Variants in SCD observed in about 807,000 individuals in gnomAD.
SCD encodes acyl-CoA desaturase.
Under a neutral mutation model 35.7 loss-of-function variants are expected in SCD, and 4 were observed. The ratio of observed to expected loss-of-function variants is 0.11; its 90% CI spans 0.06 to 0.26. SCD has a LOEUF of 0.26. Among genes scored for constraint, SCD ranks in the 10% least tolerant of loss-of-function variants. The probability of loss-of-function intolerance (pLI) is 1.00; values close to 1 mark genes in which losing one functional copy is unlikely to be tolerated. For missense variants in SCD, 282 were observed against 460.7 expected (o/e 0.61, Z 3.55); for synonymous variants, 150 against 170.2 (o/e 0.88, Z 0.92).
chr10:100,357,157 G>T (rs3793770), intron 5 of SCD, among the ~76,000 whole-genome samples: 49,090 of 151,950 alleles, frequency 0.32, 8,405 homozygotes, highest in South Asian at 0.39. Flanking sequence ...CTATTAAAAA[G>T]CAAAACAAAC....
In SCD at chr10:100,348,240, G is replaced by T. The variant is rs61733935; in HGVS notation, c.204G>T (p.Lys68Asn). ...AGGATAAGGAAGGCCCAAGCCCCAA[G>T]GTTGAATATGTCTGGAGAAACATCA... Reference protein sequence around the residue: ...TYKDKEGPSPKVEYVWRNIIL... With the variant: ...TYKDKEGPSPNVEYVWRNIIL... Residue 68 changes from lysine (K) to asparagine (N), a missense_variant, in exon 2 of 6, where the codon AAG becomes AAT. Around this residue, in one of 2 missense-constraint regions of SCD, gnomAD observed 77 missense variants for 88.4 expected, o/e 0.87. Transcript: ENST00000370355. 2.5e-6 allele frequency: 4 copies of T among 1,614,144 alleles called. No homozygotes were observed. In the Admixed American group the frequency reaches 6.7e-5, roughly 27 times the overall value.
intron 5 of SCD, among the ~76,000 whole-genome samples, chr10:100,359,475 A>C (rs1466191832): frequency 2.6e-5 from 4 of 151,792 alleles, no homozygotes; most frequent in African/African-American, 9.7e-5. Context: ...ATTCCATTTT[A>C]AATCTGGTAA....
intron 4 of SCD, among the ~76,000 whole-genome samples, chr10:100,355,613 AC>A (rs1849920013): frequency 6.6e-6 from 1 of 152,214 alleles, no homozygotes; most frequent in African/African-American, 2.4e-5. Flanking sequence ...AGTGTAAGAA[AC>A]CACTGAGCCA....
chr10:100,359,409 T>C (rs1849966227), intron 5 of SCD, among the ~76,000 whole-genome samples: 1 of 152,226 alleles, frequency 6.6e-6, no homozygotes. Flanking sequence ...TCCTGTCTTC[T>C]TTCTACCCGT....
chr10:100,358,939 A>G (rs1396133820), intron 5 of SCD, among the ~76,000 whole-genome samples: 1 of 152,062 alleles, frequency 6.6e-6, no homozygotes. Flanking sequence ...TATATAATAA[A>G]AATAAAAGCA....
In SCD at chr10:100,361,015, T is replaced by C; in HGVS notation, c.*82T>C. ...CTGTTTATTAACTACTGAATAATGC[T>C]ACCAGGATGCTAAAGATGATGATGT... On this transcript the variant is annotated 3_prime_UTR_variant, in exon 6 of 6. Transcript: ENST00000370355. 6 of 1,153,232 alleles carry C rather than the reference T, an allele frequency of 5.2e-6. No homozygotes were observed. Among genetic ancestry groups the C allele is most frequent in the Non-Finnish European group, 1.3e-6 (1 of 798,784 alleles). 71.4% of individuals were successfully genotyped at this position (1,153,232 alleles called of 1,614,324 possible).
Position 100,356,385 on chromosome 10 carries a change from A to G in SCD, c.648-147A>G. Reference sequence around the variant, plus strand: ...AGTGAGACCCTGTCAAAAAAAACAAACAAAAATAAATAAAACAATGAACTT... The same window carrying G: ...AGTGAGACCCTGTCAAAAAAAACAAGCAAAAATAAATAAAACAATGAACTT... On this transcript the variant is annotated intron_variant, in intron 4 of 5. Coordinates refer to ENST00000370355, the MANE Select transcript of SCD (RefSeq NM_005063.5). The surrounding 1 kb of genome is among the most constrained non-coding windows in gnomAD (Gnocchi z 4.1). The G allele has an allele frequency of 5.8e-6, 4 of 690,678 alleles. No homozygotes were observed. In the Admixed American group the frequency reaches 1.0e-4, roughly 17 times the overall value. The allele number at this position is 690,678 out of a possible 1,614,324, so 42.8% of individuals were successfully genotyped here.
rs1429534970 is a variant in SCD, at chr10:100,347,406, C to T, written c.-99C>T. On this transcript the variant is annotated 5_prime_UTR_variant, in exon 1 of 6. Transcript: ENST00000370355. Reference sequence around the variant, plus strand: ...GCGTGCAAGGCGCCGCGGCTCAGCGCGTACCGGCGGGCTTCGAAACCGCAG... The same window carrying T: ...GCGTGCAAGGCGCCGCGGCTCAGCGTGTACCGGCGGGCTTCGAAACCGCAG... 1 of 1,334,668 alleles carries T rather than the reference C, an allele frequency of 7.5e-7. No homozygotes were observed. The highest frequency in any genetic ancestry group is 1.1e-6 in the Non-Finnish European group (1 of 941,650). 82.7% of individuals were successfully genotyped at this position (1,334,668 alleles called of 1,614,324 possible). A position where few individuals can be genotyped will look rare whatever the true frequency, so the allele number is the denominator to read the frequency against.
chr10:100,354,036 G>A (rs1387933294), intron 3 of SCD, among the ~76,000 whole-genome samples: 2 of 152,224 alleles, frequency 1.3e-5, no homozygotes, highest in Non-Finnish European at 2.9e-5. Context: ...AGGACACAAG[G>A]CTGCCTGCCT....
intron 2 of SCD, among the ~76,000 whole-genome samples, chr10:100,349,678 T>G (rs933180115): frequency 5.3e-5 from 8 of 152,292 alleles, no homozygotes; most frequent in African/African-American, 1.7e-4. Flanking sequence ...GAAGGTAGCA[T>G]TCCTTGGGTT....
rs200843204 is a variant in SCD at position 100,352,454 on chromosome 10, C to T, written c.399C>T (p.Pro133=). 9.3e-6 allele frequency: 15 copies of T among 1,614,078 alleles called. No individual in the cohort carries two copies. Among genetic ancestry groups the T allele is most frequent in the Non-Finnish European group, 1.3e-5 (15 of 1,180,036 alleles). The part of the protein sequence containing the change: ...WSHRSYKARL[P]LRLFLIIANT... The stretch of plus-strand genomic sequence containing the variant: ...ACCGCTCTTACAAAGCTCGGCTGCC[C>T]CTACGGCTCTTTCTGATCATTGCCA... The change falls in exon 3 of 6, where the codon CCC becomes CCT. Residue 133 remains proline (P), a synonymous_variant. Coordinates refer to ENST00000370355, the MANE Select transcript of SCD (RefSeq NM_005063.5). The surrounding 1 kb of genome is among the most constrained non-coding windows in gnomAD (Gnocchi z 4.2).
intron 5 of SCD, among the ~76,000 whole-genome samples, chr10:100,358,090 C>T (rs186542213): frequency 4.9e-4 from 74 of 152,142 alleles, no homozygotes; most frequent in Non-Finnish European, 9.3e-4. Context: ...GCTATGACCT[C>T]CTGGGCTCAA....
Position 100,364,403 on chromosome 10 carries a change from A to C in SCD, c.*3470A>C, listed in dbSNP as rs1850020308. 1 of 152,630 alleles carries C rather than the reference A, an allele frequency of 6.6e-6. No individual in the cohort carries two copies. The highest frequency in any genetic ancestry group is 1.9e-4 in the East Asian group (1 of 5,196). 9.5% of individuals were successfully genotyped at this position (152,630 alleles called of 1,614,324 possible). ...GGGATAATAATACTGACCTACCTCA[A>C]AGGGCAGTTTTGAGGCATGACTAAT... On this transcript the variant is annotated 3_prime_UTR_variant, in exon 6 of 6. Coordinates refer to ENST00000370355, the MANE Select transcript of SCD (RefSeq NM_005063.5).
intron 5 of SCD, among the ~76,000 whole-genome samples, chr10:100,358,600 A>AG (rs1455581205): frequency 2.8e-5 from 4 of 144,384 alleles, no homozygotes; most frequent in Non-Finnish European, 6.2e-5. Flanking sequence ...CTCCGTCTCA[A>AG]AAAAAAAAAA....
At chr10:100,353,924 C>T (rs1476475340) in intron 3 of SCD, among the ~76,000 whole-genome samples, 1 of 152,216 alleles carries the variant, frequency 6.6e-6, no homozygotes, top group Non-Finnish European at 1.5e-5. Context: ...GTCATGATCA[C>T]GAGTTGCATG....
Position 100,347,244 on chromosome 10 carries a change from C to T in SCD, c.-261C>T, listed in dbSNP as rs201993920. The T allele has an allele frequency of 2.9e-5, 16 of 548,644 alleles. No homozygotes were observed. Among genetic ancestry groups the T allele is most frequent in the Admixed American group, 1.4e-4 (4 of 29,608 alleles). 34.0% of individuals were successfully genotyped at this position (548,644 alleles called of 1,614,324 possible). The stretch of plus-strand genomic sequence containing the variant: ...GGACCGCCCGCGCCAGTCAACTCCT[C>T]GCACTTTGCCCCTGCTTGGCAGCGG... On this transcript the variant is annotated 5_prime_UTR_variant, in exon 1 of 6. Transcript: ENST00000370355.
Position 100,360,920 on chromosome 10 carries a change from A to C in SCD, c.1067A>C (p.Tyr356Ser). ...ATTAAAAGAACCGGAGATGGAAACT[A>C]CAAGAGTGGCTGAGTTTGGGGTCCC... The part of the protein sequence containing the change: ...ARIKRTGDGN[Y>S]KSG Residue 356 changes from tyrosine (Y) to serine (S), a missense_variant, in exon 6 of 6, where the codon TAC becomes TCC. Physicochemically the swap from Tyr to Ser is moderately radical, Grantham distance 144. Transcript: ENST00000370355. The C allele has an allele frequency of 6.2e-7, 1 of 1,614,014 alleles. No individual in the cohort carries two copies. Among genetic ancestry groups the C allele is most frequent in the Non-Finnish European group, 8.5e-7 (1 of 1,179,858 alleles).
intron 3 of SCD, among the ~76,000 whole-genome samples, chr10:100,353,676 A>T (rs1849895631): frequency 6.6e-6 from 1 of 152,208 alleles, no homozygotes; most frequent in East Asian, 1.9e-4. Context: ...GCAATGGGCA[A>T]ATGATAGCAT....
intron 2 of SCD, among the ~76,000 whole-genome samples, chr10:100,349,693 A>G (rs1182245162): frequency 1.3e-5 from 2 of 152,100 alleles, no homozygotes; most frequent in African/African-American, 4.8e-5. Context: ...TGGGTTACAT[A>G]TGTGTCACAG....
Sources: allele counts gnomAD v4.1 joint callset (sites outside exome capture counted in the v4.1 genomes callset), GRCh38; gene constraint gnomAD v4.1.1; regional missense constraint gnomAD v4.1.1; non-coding constraint Gnocchi (gnomAD v3.1); transcripts MANE v1.5; gene names NCBI Gene and HGNC (gene_info 2026-07-23, HGNC 2026-07-21).